The following SLC67A2 variants were observed in gnomAD, a reference collection of about 807,000 sequenced individuals.
SLC67A2 encodes solute carrier family 67 member A2.
the SLC67A2 span, among the ~76,000 whole-genome samples, chr2:102,731,309 A>G: frequency 6.6e-6 from 1 of 152,288 alleles, no homozygotes; most frequent in Middle Eastern, 3.4e-3. Flanking sequence ...TAAACAGAAG[A>G]GAGAAAAAAG....
the SLC67A2 span, among the ~76,000 whole-genome samples, chr2:102,723,207 G>A: frequency 6.6e-6 from 1 of 152,188 alleles, no homozygotes; most frequent in Non-Finnish European, 1.5e-5. Flanking sequence ...GCAGTGGCTC[G>A]CGCCTGTAAT....
At chr2:102,728,913 A>G in the SLC67A2 span, among the ~76,000 whole-genome samples, 3 of 152,258 alleles carry the variant, frequency 2.0e-5, no homozygotes, top group South Asian at 2.1e-4. Flanking sequence ...GCTGGTTATT[A>G]TAAGGATTAG....
chr2:102,734,550 A>G, the SLC67A2 span, among the ~76,000 whole-genome samples: 1 of 152,118 alleles, frequency 6.6e-6, no homozygotes, highest in Non-Finnish European at 1.5e-5. Flanking sequence ...TGTCAAAAAA[A>G]AACTAAATTA....
chr2:102,723,691 T>C, the SLC67A2 span: 2 of 1,613,090 alleles, frequency 1.2e-6, no homozygotes, highest in East Asian at 2.2e-5. Context: ...CTCATGATTG[T>C]CAACTTACCA....
the SLC67A2 span, among the ~76,000 whole-genome samples, chr2:102,727,328 AT>A: frequency 6.6e-6 from 1 of 152,214 alleles, no homozygotes; most frequent in Non-Finnish European, 1.5e-5. Context: ...TACCATGTAC[AT>A]TTTTAAAAAA....
the SLC67A2 span, among the ~76,000 whole-genome samples, chr2:102,728,364 A>G: frequency 6.6e-6 from 1 of 151,966 alleles, no homozygotes; most frequent in African/African-American, 2.4e-5. Context: ...CACCCTCTCC[A>G]CTAACCATGG....
the SLC67A2 span, chr2:102,726,816 GAAAAAAAAA>G: frequency 2.3e-6 from 3 of 1,303,066 alleles, no homozygotes; most frequent in Non-Finnish European, 3.0e-6. Flanking sequence ...AGCTACGTTT[GAAAAAAAAA>G]AAAAAAAAAA....
chr2:102,718,343 A>G, the SLC67A2 span: 6 of 1,542,652 alleles, frequency 3.9e-6, no homozygotes, highest in Non-Finnish European at 4.4e-6. Context: ...ACCCTTTCCA[A>G]AGTGCCCTTT....
chr2:102,720,446 T>C, the SLC67A2 span, among the ~76,000 whole-genome samples: 1 of 152,204 alleles, frequency 6.6e-6, no homozygotes, highest in Non-Finnish European at 1.5e-5. Flanking sequence ...TTCTGTTGAG[T>C]GCTTACTATA....
At chr2:102,718,511 C>A in the SLC67A2 span, 1 of 1,613,922 alleles carries the variant, frequency 6.2e-7, no homozygotes, top group Non-Finnish European at 8.5e-7. Flanking sequence ...TAACACAGCG[C>A]CCAGGCTGGG....
chr2:102,717,686 C>A, the SLC67A2 span: 1 of 151,960 alleles, frequency 6.6e-6, no homozygotes, highest in African/African-American at 2.4e-5. Flanking sequence ...TTTTAAGAGT[C>A]CAAATTTAGT....
the SLC67A2 span, chr2:102,718,473 G>C: frequency 6.2e-6 from 10 of 1,614,152 alleles, no homozygotes; most frequent in Non-Finnish European, 8.5e-6. Context: ...CGCTTGTTTA[G>C]AGACATTATG....
chr2:102,736,473 C>T, the SLC67A2 span: 1 of 1,469,720 alleles, frequency 6.8e-7, no homozygotes, highest in Non-Finnish European at 9.0e-7. Flanking sequence ...TGGCCAGATG[C>T]AGACTGAAGT....
chr2:102,732,819 A>C, the SLC67A2 span, among the ~76,000 whole-genome samples: 1 of 152,250 alleles, frequency 6.6e-6, no homozygotes, highest in Non-Finnish European at 1.5e-5. Context: ...TTATAAAATA[A>C]TACCTGAGAA....
At chr2:102,721,882 A>T in the SLC67A2 span, among the ~76,000 whole-genome samples, 116 of 152,010 alleles carry the variant, frequency 7.6e-4, no homozygotes, top group Middle Eastern at 0.014. Flanking sequence ...TTAAAAAAAA[A>T]TTTTTTGTAG....
At chr2:102,719,323 A>T in the SLC67A2 span, 25 of 1,032,758 alleles carry the variant, frequency 2.4e-5, no homozygotes, top group Non-Finnish European at 1.6e-5. Flanking sequence ...TTTGGTACTA[A>T]ATTTACTAGT....
chr2:102,735,254 A>G, the SLC67A2 span, among the ~76,000 whole-genome samples: 4 of 152,240 alleles, frequency 2.6e-5, no homozygotes, highest in Admixed American at 2.0e-4. Flanking sequence ...GCCTAGAGGC[A>G]GAGAAATCCT....
the SLC67A2 span, among the ~76,000 whole-genome samples, chr2:102,719,926 G>A: frequency 6.6e-6 from 1 of 152,166 alleles, no homozygotes; most frequent in African/African-American, 2.4e-5. Flanking sequence ...ACCTCAGGGG[G>A]CACCATTCTC....
chr2:102,731,105 G>T, the SLC67A2 span: 1 of 1,585,520 alleles, frequency 6.3e-7, no homozygotes, highest in South Asian at 1.1e-5. Flanking sequence ...AAATCAGCTA[G>T]AGCTATCACA....
Sources: gnomAD v4.1 joint callset for allele counts (sites outside exome capture counted in the v4.1 genomes callset) on GRCh38, gnomAD v4.1.1 for gene constraint, MANE v1.5 for transcripts, NCBI Gene and HGNC (gene_info 2026-07-23, HGNC 2026-07-21) for gene names.